Variants in VEGFC observed in about 807,000 individuals in gnomAD.
The protein encoded by VEGFC is vascular endothelial growth factor C, also known as FLT4 ligand DHM.
Under a neutral mutation model 46.1 loss-of-function variants are expected in VEGFC, and 12 were observed. The ratio of observed to expected loss-of-function variants is 0.26; its 90% CI spans 0.17 to 0.42. The LOEUF (loss-of-function observed/expected upper bound fraction) is 0.42, where lower values mean the gene tolerates loss of function less well. VEGFC is among the 10% of genes least tolerant of loss of function. The pLI is 1.00. For missense variants in VEGFC, 488 were observed against 529.4 expected, an observed-to-expected ratio of 0.92 and a Z score of 0.77; for synonymous variants, 232 against 195.5, an observed-to-expected ratio of 1.19 and a Z score of -1.56.
chr4:176,683,840 A>C lies in VEGFC; in HGVS notation c.*86T>G. On this transcript the variant is annotated 3_prime_UTR_variant, in exon 7 of 7. Transcript: ENST00000618562. ...TTTGTCTTTGTTAGCATGGACCCAC[A>C]AGGGTCTCTCTGTTCACAGACAGTT... is the stretch of plus-strand genomic sequence containing the variant. 1.8e-6 allele frequency: 2 copies of C among 1,103,200 alleles called. No individual in the cohort carries two copies. Among genetic ancestry groups the C allele is most frequent in the Middle Eastern group, 4.0e-4 (2 of 5,022 alleles). The allele number at this position is 1,103,200 out of a possible 1,614,324, so 68.3% of individuals were successfully genotyped here.
At chr4:176,767,849 C>G (rs1735653938) in intron 1 of VEGFC, among the ~76,000 whole-genome samples, 1 of 152,088 alleles carries the variant, frequency 6.6e-6, no homozygotes, top group Admixed American at 6.5e-5. Flanking sequence ...AGATAAGAAC[C>G]AGTGAGACTG....
At chr4:176,708,374 T>G (rs1234624400) in intron 4 of VEGFC, among the ~76,000 whole-genome samples, 2 of 152,092 alleles carry the variant, frequency 1.3e-5, no homozygotes, top group Non-Finnish European at 2.9e-5. Context: ...TTTTATTTGT[T>G]ATTTAACACT....
chr4:176,769,939 C>T (rs2110925297), intron 1 of VEGFC, among the ~76,000 whole-genome samples: 1 of 152,240 alleles, frequency 6.6e-6, no homozygotes, highest in African/African-American at 2.4e-5. Flanking sequence ...ATCTGGGAAT[C>T]AAATCTGGGT....
At chr4:176,723,220 C>T (rs1450555433) in intron 3 of VEGFC, among the ~76,000 whole-genome samples, 1 of 151,974 alleles carries the variant, frequency 6.6e-6, no homozygotes. Flanking sequence ...GTAAGAGAAA[C>T]AGATATCTAT....
chr4:176,776,057 C>T (rs1000072838), intron 1 of VEGFC, among the ~76,000 whole-genome samples: 1 of 152,136 alleles, frequency 6.6e-6, no homozygotes, highest in Non-Finnish European at 1.5e-5. Context: ...TATAAACACA[C>T]AAATTATCTT....
intron 1 of VEGFC, among the ~76,000 whole-genome samples, chr4:176,755,994 A>ATTTG (rs1338059812): frequency 6.6e-6 from 1 of 152,024 alleles, no homozygotes; most frequent in Non-Finnish European, 1.5e-5. Context: ...TAAGAGAATA[A>ATTTG]TTTGGTACAT....
intron 6 of VEGFC, among the ~76,000 whole-genome samples, chr4:176,684,539 G>GCAGCTGGCTGCA (rs1734003624): frequency 6.6e-6 from 1 of 152,132 alleles, no homozygotes; most frequent in South Asian, 2.1e-4. Context: ...CTGCATGACG[G>GCAGCTGGCTGCA]TGACTAACTC....
At chr4:176,741,183 G>A (rs1400424885) in intron 1 of VEGFC, among the ~76,000 whole-genome samples, 1 of 151,928 alleles carries the variant, frequency 6.6e-6, no homozygotes, top group Admixed American at 6.6e-5. Flanking sequence ...ACAACACAGG[G>A]AAGATTATGT....
At chr4:176,736,867 GA>G (rs1735063585) in intron 1 of VEGFC, among the ~76,000 whole-genome samples, 1 of 151,334 alleles carries the variant, frequency 6.6e-6, no homozygotes, top group South Asian at 2.1e-4. Flanking sequence ...CATAGCAATA[GA>G]AAAAACTATA....
intron 3 of VEGFC, among the ~76,000 whole-genome samples, 180 bp downstream of exon 3, chr4:176,727,598 C>A (rs1480147626): frequency 6.6e-6 from 1 of 151,914 alleles, no homozygotes; most frequent in Non-Finnish European, 1.5e-5. Flanking sequence ...TTCTTTGTGA[C>A]ACTGTGTTGT....
chr4:176,775,583 C>A (rs928376912), intron 1 of VEGFC, among the ~76,000 whole-genome samples: 1 of 152,050 alleles, frequency 6.6e-6, no homozygotes, highest in Non-Finnish European at 1.5e-5. Flanking sequence ...AGCTTATAGG[C>A]CATGTATTGT....
chr4:176,747,426 C>T (rs781600391), intron 1 of VEGFC, among the ~76,000 whole-genome samples: 1 of 151,972 alleles, frequency 6.6e-6, no homozygotes, highest in Non-Finnish European at 1.5e-5. Flanking sequence ...TATTCAAAAA[C>T]TCTAAGGACT....
intron 1 of VEGFC, among the ~76,000 whole-genome samples, chr4:176,761,017 A>AGTG (rs1382943640): frequency 6.6e-6 from 1 of 152,232 alleles, no homozygotes; most frequent in African/African-American, 2.4e-5. Flanking sequence ...ATGAATTTGA[A>AGTG]GTGATTTCCT....
chr4:176,720,408 G>C (rs1252166853), intron 3 of VEGFC, among the ~76,000 whole-genome samples: 1 of 152,060 alleles, frequency 6.6e-6, no homozygotes, highest in Non-Finnish European at 1.5e-5. Context: ...TTCAAAATTT[G>C]ACCTTTGACC....
chr4:176,700,765 G>A (rs529326866), intron 4 of VEGFC, among the ~76,000 whole-genome samples: 1 of 152,246 alleles, frequency 6.6e-6, no homozygotes, highest in African/African-American at 2.4e-5. Flanking sequence ...ATAATTCAAG[G>A]ATAAGTAACC....
chr4:176,771,630 G>A (rs1735724338), intron 1 of VEGFC, among the ~76,000 whole-genome samples: 1 of 152,122 alleles, frequency 6.6e-6, no homozygotes, highest in Non-Finnish European at 1.5e-5. Flanking sequence ...GGCACAGGTA[G>A]ACACACTGCA....
intron 1 of VEGFC, among the ~76,000 whole-genome samples, chr4:176,736,558 T>C (rs1417495570): frequency 2.6e-5 from 4 of 151,704 alleles, no homozygotes; most frequent in African/African-American, 9.7e-5. Flanking sequence ...ACATAATGCT[T>C]AGTACACGTA....
intron 1 of VEGFC, among the ~76,000 whole-genome samples, chr4:176,756,279 G>A (rs531453680): frequency 1.3e-5 from 2 of 151,852 alleles, no homozygotes; most frequent in Non-Finnish European, 2.9e-5. Context: ...CTAGGTTCTG[G>A]GCATTCAGCT....
chr4:176,778,117 AT>A (rs1156567825), intron 1 of VEGFC, among the ~76,000 whole-genome samples: 2 of 152,010 alleles, frequency 1.3e-5, no homozygotes, highest in African/African-American at 2.4e-5. Context: ...TTCAAAATGA[AT>A]TTTTTTCCCC....
Sources: allele counts gnomAD v4.1 joint callset (sites outside exome capture counted in the v4.1 genomes callset), GRCh38; gene constraint gnomAD v4.1.1; transcripts MANE v1.5; gene names NCBI Gene and HGNC (gene_info 2026-07-23, HGNC 2026-07-21).